The following CD226 variants were observed in gnomAD, a reference collection of about 807,000 sequenced individuals.
The protein encoded by CD226 is CD226 antigen.
Under a neutral mutation model 34.9 loss-of-function variants are expected in CD226, and 24 were observed. That is an observed-to-expected ratio of 0.69 (90% confidence interval 0.50 to 0.97). CD226 has a LOEUF of 0.97. Ranked by LOEUF, CD226 falls within the 50% of genes least tolerant of loss-of-function variation. The pLI is 0.00. For missense variants in CD226, 397 were observed against 412.7 expected, an observed-to-expected ratio of 0.96 and a Z score of 0.33; for synonymous variants, 148 against 147.4, an observed-to-expected ratio of 1.00 and a Z score of -0.03.
chr18:69,866,025 A>G (rs1983120162), intron 5 of CD226, among the ~76,000 whole-genome samples: 1 of 152,208 alleles, frequency 6.6e-6, no homozygotes, highest in Non-Finnish European at 1.5e-5. Flanking sequence ...TGAGAAAAAA[A>G]AAAGAGTCCA....
At chr18:69,930,179 A>G (rs1009379582) in intron 2 of CD226, among the ~76,000 whole-genome samples, 2 of 152,224 alleles carry the variant, frequency 1.3e-5, no homozygotes, top group Non-Finnish European at 2.9e-5. Flanking sequence ...TAAAAAATAC[A>G]AAGAGGTAAA....
At chr18:69,901,705 C>T (rs908491724) in intron 2 of CD226, among the ~76,000 whole-genome samples, 3 of 151,924 alleles carry the variant, frequency 2.0e-5, no homozygotes, top group Non-Finnish European at 4.4e-5. Context: ...TGGTGAAACC[C>T]CGTCTCTACT....
intron 5 of CD226, among the ~76,000 whole-genome samples, chr18:69,865,414 T>C (rs1052484931): frequency 6.6e-6 from 1 of 150,988 alleles, no homozygotes; most frequent in Non-Finnish European, 1.5e-5. Context: ...TCCAACCTAT[T>C]AACTCTTTAA....
At chr18:69,935,445 G>T (rs942250254) in intron 2 of CD226, among the ~76,000 whole-genome samples, 2 of 152,206 alleles carry the variant, frequency 1.3e-5, no homozygotes, top group Admixed American at 6.5e-5. Context: ...GTCTGAGGAG[G>T]AGTCTCAACG....
At chr18:69,892,208 A>C (rs1236441411) in intron 3 of CD226, among the ~76,000 whole-genome samples, 1 of 152,230 alleles carries the variant, frequency 6.6e-6, no homozygotes, top group Non-Finnish European at 1.5e-5. Context: ...CCTCCTCCAG[A>C]AACTTTCTGC....
At chr18:69,867,464 A>G in intron 4 of CD226, 53 bp from the exon 5 acceptor site, 1 of 1,182,460 alleles carries the variant, frequency 8.5e-7, no homozygotes, top group Non-Finnish European at 1.3e-6. Flanking sequence ...CAGTACTAAT[A>G]TTATTTCGAA....
At chr18:69,925,621 C>G (rs1457677742) in intron 2 of CD226, among the ~76,000 whole-genome samples, 1 of 152,092 alleles carries the variant, frequency 6.6e-6, no homozygotes, top group Non-Finnish European at 1.5e-5. Context: ...TTTTAAACAT[C>G]TCTCAAACAT....
chr18:69,959,099 C>T (rs1259092171), upstream of CD226, among the ~76,000 whole-genome samples: 1 of 152,070 alleles, frequency 6.6e-6, no homozygotes, highest in Admixed American at 6.5e-5. Context: ...ATTGTTCCCC[C>T]AACATGGTAA....
At chr18:69,932,130 T>C (rs1488896578) in intron 2 of CD226, among the ~76,000 whole-genome samples, 12 of 152,200 alleles carry the variant, frequency 7.9e-5, no homozygotes, top group Admixed American at 7.9e-4. Context: ...CCTTCTGAGA[T>C]ATCAGGAGTT....
At chr18:69,956,598 C>T (rs974193557) in intron 1 of CD226, 47 of 152,326 alleles carry the variant, frequency 3.1e-4, no homozygotes, top group African/African-American at 7.0e-4. Flanking sequence ...CACAGAACAC[C>T]GAGCACTTAA....
chr18:69,924,585 C>T (rs1243967330), intron 2 of CD226, among the ~76,000 whole-genome samples: 1 of 138,168 alleles, frequency 7.2e-6, no homozygotes, highest in Admixed American at 8.3e-5. Flanking sequence ...TTTTGAAAGT[C>T]CAGGGAAAAT....
chr18:69,877,921 A>G (rs1455457935), intron 3 of CD226, among the ~76,000 whole-genome samples: 1 of 152,204 alleles, frequency 6.6e-6, no homozygotes, highest in Non-Finnish European at 1.5e-5. Flanking sequence ...CCCAGCCTGT[A>G]GCTGACATGG....
intron 4 of CD226, among the ~76,000 whole-genome samples, chr18:69,872,739 G>A (rs1983612549): frequency 6.6e-6 from 1 of 152,162 alleles, no homozygotes. Context: ...GTTCACTGCT[G>A]TGCACAATAA....
At chr18:69,880,841 G>C (rs949012102) in intron 3 of CD226, among the ~76,000 whole-genome samples, 5 of 152,024 alleles carry the variant, frequency 3.3e-5, no homozygotes, top group Non-Finnish European at 5.9e-5. Flanking sequence ...AGTAGAGATG[G>C]GGTTTCACCA....
chr18:69,869,706 A>G (rs1983381435), intron 4 of CD226, among the ~76,000 whole-genome samples: 1 of 152,068 alleles, frequency 6.6e-6, no homozygotes, highest in Non-Finnish European at 1.5e-5. Flanking sequence ...AAATAAAGAG[A>G]GTAAACATAT....
intron 2 of CD226, among the ~76,000 whole-genome samples, chr18:69,932,026 T>G (rs957282421): frequency 2.0e-5 from 3 of 152,222 alleles, no homozygotes; most frequent in Admixed American, 6.5e-5. Context: ...TCTCCTCTTC[T>G]TATTTGGAAA....
chr18:69,853,726 A>T lies in CD226; in HGVS notation c.*10588T>A, dbSNP rs1302144549. On this transcript the variant is annotated 3_prime_UTR_variant, in exon 6 of 6. Coordinates refer to ENST00000582621, the MANE Select transcript of CD226 (RefSeq NM_001303618.2). ...TCCAATCGCATAGACTTGACATGTT[A>T]TCTCCTTGTGGCTTGTGCTACAAAT... 1 of 152,114 alleles carries T rather than the reference A, an allele frequency of 6.6e-6. No individual in the cohort carries two copies. The highest frequency in any genetic ancestry group is 1.5e-5 in the Non-Finnish European group (1 of 68,016). 9.4% of individuals were successfully genotyped at this position (152,114 alleles called of 1,614,324 possible).
Position 69,880,870 on chromosome 18 carries a change from C to T in CD226, c.728-7624G>A, listed in dbSNP as rs904215187. On this transcript the variant is annotated intron_variant, in intron 3 of 5. Transcript: ENST00000582621. ...TTCACCATGTTGGCCATGCTGGTCTCGAACTCCTGACCTCGAGGGATCCAC... is the reference window on the plus strand; with the variant it reads ...TTCACCATGTTGGCCATGCTGGTCTTGAACTCCTGACCTCGAGGGATCCAC... Among the ~76,000 whole-genome samples, 20 of 152,130 alleles carry T rather than the reference C, an allele frequency of 1.3e-4. 1 individual carries two copies. Among genetic ancestry groups the T allele is most frequent in the African/African-American group, 4.6e-4 (19 of 41,512 alleles).
chr18:69,943,086 T>G (rs573251189), intron 2 of CD226, among the ~76,000 whole-genome samples: 1 of 152,260 alleles, frequency 6.6e-6, no homozygotes, highest in Non-Finnish European at 1.5e-5. Flanking sequence ...GACAAGTGAG[T>G]CTACCACCCT....
Sources: gnomAD v4.1 joint callset for allele counts (sites outside exome capture counted in the v4.1 genomes callset) on GRCh38, gnomAD v4.1.1 for gene constraint, MANE v1.5 for transcripts, NCBI Gene and HGNC (gene_info 2026-07-23, HGNC 2026-07-21) for gene names.